Variants in SHANK2 observed in about 807,000 individuals in gnomAD.
The protein encoded by SHANK2 is SH3 and multiple ankyrin repeat domains protein 2.
In SHANK2, 43 loss-of-function variants were observed where a neutral mutation model predicts 133.7. The observed-to-expected ratio is 0.32, with a 90% CI of 0.25 to 0.41. SHANK2 has a LOEUF of 0.41. Among genes scored for constraint, SHANK2 ranks in the 10% least tolerant of loss-of-function variants. The pLI, the probability that SHANK2 is intolerant of heterozygous loss-of-function variation, is 1.00. For missense variants in SHANK2, 1,994 were observed against 2,235.8 expected (o/e 0.89, Z 2.18); for synonymous variants, 1,017 against 952.8 (o/e 1.07, Z -1.24).
In SHANK2 at chr11:70,948,046, A is replaced by G. The variant is rs147580642; in HGVS notation, c.1108-51479T>C. ...CACACCCCAGGCATGCACTGACCCCAGGGCCTTTGCACGTGTCAGCCCCAC... is the reference window on the plus strand; with the variant it reads ...CACACCCCAGGCATGCACTGACCCCGGGGCCTTTGCACGTGTCAGCCCCAC... On this transcript the variant is annotated intron_variant, in intron 10 of 25. Transcript: ENST00000601538. Among the ~76,000 whole-genome samples the G allele has an allele frequency of 9.1e-3, 1,366 of 149,998 alleles. 5 individuals are homozygous for G. Among genetic ancestry groups the G allele is most frequent in the Non-Finnish European group, 0.015 (1,006 of 67,502 alleles).
At chr11:71,145,164 G>A (rs1230545623) in intron 3 of SHANK2, among the ~76,000 whole-genome samples, 1 of 152,224 alleles carries the variant, frequency 6.6e-6, no homozygotes, top group Non-Finnish European at 1.5e-5. Flanking sequence ...GGCCAGATTA[G>A]CTCTAGGGCA....
At chr11:70,634,773 A>G (rs2061049395) in intron 17 of SHANK2, 1 of 152,264 alleles carries the variant, frequency 6.6e-6, no homozygotes, top group Non-Finnish European at 1.5e-5. Flanking sequence ...AGGCAGAAGA[A>G]TTGCTGGAAC....
intron 14 of SHANK2, among the ~76,000 whole-genome samples, chr11:70,748,010 T>A (rs1946679342): frequency 6.6e-6 from 1 of 152,188 alleles, no homozygotes; most frequent in Non-Finnish European, 1.5e-5. Flanking sequence ...TGCACTGCTA[T>A]ATGGAACAGT....
At chr11:70,685,081 C>A (rs1310185075) in intron 15 of SHANK2, among the ~76,000 whole-genome samples, 2 of 152,112 alleles carry the variant, frequency 1.3e-5, no homozygotes, top group African/African-American at 2.4e-5. Context: ...GCCATTCCCC[C>A]AGATGGTGTG....
intron 14 of SHANK2, among the ~76,000 whole-genome samples, chr11:70,766,351 C>A (rs1461225344): frequency 6.6e-6 from 1 of 152,178 alleles, no homozygotes; most frequent in African/African-American, 2.4e-5. Context: ...TCATGTAAGC[C>A]ATGTTCTTTA....
At chr11:71,092,357 G>A (rs782512957) in intron 8 of SHANK2, 65 bp downstream of exon 8, 121 of 1,530,524 alleles carry the variant, frequency 7.9e-5, no homozygotes, top group Middle Eastern at 1.8e-4. Flanking sequence ...GCTTATCTGC[G>A]GGATCGGAGG....
At chr11:71,104,064 C>A (rs977425952) in intron 6 of SHANK2, among the ~76,000 whole-genome samples, 1 of 152,006 alleles carries the variant, frequency 6.6e-6, no homozygotes, top group Non-Finnish European at 1.5e-5. Context: ...AACCTAGAGC[C>A]AATTAAACCT....
chr11:70,790,068 T>C (rs1176601047), intron 14 of SHANK2, among the ~76,000 whole-genome samples: 1 of 152,248 alleles, frequency 6.6e-6, no homozygotes, highest in African/African-American at 2.4e-5. Context: ...GCCTCATCCA[T>C]GGGTGCCAAC....
chr11:71,081,048 G>A (rs1184345625), intron 8 of SHANK2, among the ~76,000 whole-genome samples: 8 of 152,252 alleles, frequency 5.3e-5, no homozygotes, highest in African/African-American at 1.7e-4. Context: ...AGGGTCTTTC[G>A]AGAGGTGATT....
intron 15 of SHANK2, among the ~76,000 whole-genome samples, 170 bp downstream of exon 15, chr11:70,698,518 C>G (rs1252851539): frequency 6.6e-6 from 1 of 152,262 alleles, no homozygotes; most frequent in African/African-American, 2.4e-5. Flanking sequence ...GTACACCTCT[C>G]AGGCAGGGGC....
At chr11:70,727,660 G>T (rs1334715753) in intron 14 of SHANK2, among the ~76,000 whole-genome samples, 2 of 152,146 alleles carry the variant, frequency 1.3e-5, no homozygotes. Flanking sequence ...TTCCACATGG[G>T]GCAGGCATAC....
chr11:70,545,763 C>T (rs1180170428), intron 17 of SHANK2, among the ~76,000 whole-genome samples: 11 of 152,334 alleles, frequency 7.2e-5, no homozygotes, highest in South Asian at 2.1e-4. Flanking sequence ...GCAGACCCTG[C>T]GGGCGAAGGG....
intron 14 of SHANK2, among the ~76,000 whole-genome samples, chr11:70,763,612 G>A (rs1555040697): frequency 1.3e-5 from 2 of 152,204 alleles, no homozygotes. Context: ...CGGGCCAACA[G>A]CACCCACAGA....
chr11:71,214,682 GC>G (rs2135703567), intron 2 of SHANK2, among the ~76,000 whole-genome samples: 1 of 152,290 alleles, frequency 6.6e-6, no homozygotes, highest in South Asian at 2.1e-4. Flanking sequence ...CAGACCCTTG[GC>G]CCACCCAAGT....
intron 15 of SHANK2, among the ~76,000 whole-genome samples, chr11:70,676,755 G>A (rs1287184072): frequency 6.6e-6 from 1 of 152,144 alleles, no homozygotes; most frequent in Non-Finnish European, 1.5e-5. Context: ...TTATATTCTG[G>A]GTTGGGAAAC....
In SHANK2 at chr11:70,930,659, C is replaced by CTTT. The variant is rs367913415; in HGVS notation, c.1108-34095_1108-34093dup. Among the ~76,000 whole-genome samples, 79 of 114,130 alleles carry CTTT rather than the reference C, an allele frequency of 6.9e-4. 6 individuals are homozygous for CTTT. The highest frequency in any genetic ancestry group is 1.0e-3 in the African/African-American group (29 of 28,160). The allele number at this position is 114,130 out of a possible 152,430, so 74.9% of individuals were successfully genotyped here. On this transcript the variant is annotated intron_variant, in intron 10 of 25. Coordinates refer to ENST00000601538, the MANE Select transcript of SHANK2 (RefSeq NM_012309.5). ...TTTTCTCTTGTTTTTATTTCTTTGT[C>CTTT]TTTTTTTTTTCTTTTTTTTTTTGAG...
At chr11:70,605,112 A>T (rs1308937750) in intron 17 of SHANK2, among the ~76,000 whole-genome samples, 1 of 152,246 alleles carries the variant, frequency 6.6e-6, no homozygotes, top group African/African-American at 2.4e-5. Context: ...TCCTCAGTGA[A>T]GGGCAGGGCT....
chr11:70,652,543 C>T (rs1266779519), intron 17 of SHANK2, among the ~76,000 whole-genome samples: 3 of 152,108 alleles, frequency 2.0e-5, no homozygotes, highest in Non-Finnish European at 4.4e-5. Context: ...GGGTGGGGTG[C>T]ATGCATCTTT....
intron 10 of SHANK2, chr11:70,911,106 T>C (rs1555078929): frequency 2.2e-6 from 1 of 456,802 alleles, no homozygotes; most frequent in South Asian, 1.5e-5. Flanking sequence ...GGCACAGGTC[T>C]CCACATGCCT....
Sources: allele counts gnomAD v4.1 joint callset (sites outside exome capture counted in the v4.1 genomes callset), GRCh38; gene constraint gnomAD v4.1.1; transcripts MANE v1.5; gene names NCBI Gene and HGNC (gene_info 2026-07-23, HGNC 2026-07-21).